Variants in POU6F2 observed in about 807,000 individuals in gnomAD.
POU6F2 encodes POU class 6 homeobox 2, also known as POU domain, class 6, transcription factor 2.
A neutral mutation model predicts 71.3 loss-of-function variants in POU6F2; 31 were observed. That is an observed-to-expected ratio of 0.43 (90% CI 0.33 to 0.59). The LOEUF (loss-of-function observed/expected upper bound fraction) is 0.59. POU6F2 is among the 20% of genes least tolerant of loss of function. The probability of loss-of-function intolerance (pLI) is 0.04; values close to 1 mark genes in which losing one functional copy is unlikely to be tolerated. For synonymous variants in POU6F2, 347 were observed against 355.7 expected (o/e 0.98, Z 0.27); for missense variants, 783 against 856.8 (o/e 0.91, Z 1.07).
At chr7:39,253,036 A>G (rs527749606) in intron 4 of POU6F2, among the ~76,000 whole-genome samples, 1 of 152,340 alleles carries the variant, frequency 6.6e-6, no homozygotes, top group East Asian at 1.9e-4. Flanking sequence ...GACACCTCTC[A>G]TAGTGGGCAT....
chr7:39,111,870 A>T (rs577217779), intron 2 of POU6F2, among the ~76,000 whole-genome samples: 11 of 152,210 alleles, frequency 7.2e-5, no homozygotes, highest in African/African-American at 2.4e-4. Context: ...TTAATGTTGG[A>T]GAAAGACTGG....
chr7:39,158,089 T>G (rs371220281), intron 2 of POU6F2, among the ~76,000 whole-genome samples: 3 of 152,216 alleles, frequency 2.0e-5, no homozygotes, highest in African/African-American at 7.2e-5. Context: ...GCGCTTTAGT[T>G]TCTTCATCTG....
At chr7:39,081,343 C>A (rs984329489) in intron 1 of POU6F2, among the ~76,000 whole-genome samples, 2 of 152,158 alleles carry the variant, frequency 1.3e-5, no homozygotes, top group Non-Finnish European at 2.9e-5. Flanking sequence ...AAGGCAAAGA[C>A]CTCCCATGGT....
At chr7:39,414,788 C>G (rs1383311688) in intron 6 of POU6F2, among the ~76,000 whole-genome samples, 1 of 151,978 alleles carries the variant, frequency 6.6e-6, no homozygotes, top group Non-Finnish European at 1.5e-5. Flanking sequence ...AAGGAAAGCC[C>G]TCTCTGAACT....
chr7:39,282,136 A>G (rs996379394), intron 4 of POU6F2, among the ~76,000 whole-genome samples: 3 of 151,936 alleles, frequency 2.0e-5, no homozygotes, highest in Admixed American at 2.0e-4. Flanking sequence ...AAATCAGAGT[A>G]TTTGTTGCTT....
chr7:39,405,025 T>C (rs1030756160), intron 5 of POU6F2: 4 of 152,204 alleles, frequency 2.6e-5, no homozygotes, highest in African/African-American at 9.6e-5. Context: ...AAAATCATTA[T>C]TGTCTTTTAG....
At chr7:39,294,577 T>G (rs1249071574) in intron 4 of POU6F2, among the ~76,000 whole-genome samples, 1 of 152,014 alleles carries the variant, frequency 6.6e-6, no homozygotes, top group Admixed American at 6.5e-5. Context: ...GATGTTTTTA[T>G]AAAACAGAGT....
intron 2 of POU6F2, among the ~76,000 whole-genome samples, chr7:39,147,515 T>C (rs1792647340): frequency 6.6e-6 from 1 of 152,242 alleles, no homozygotes; most frequent in Non-Finnish European, 1.5e-5. Context: ...GGTTTTCATT[T>C]GTAAACATTG....
At chr7:39,036,326 C>T (rs1484671359) in intron 1 of POU6F2, among the ~76,000 whole-genome samples, 3 of 151,990 alleles carry the variant, frequency 2.0e-5, no homozygotes, top group Admixed American at 1.3e-4. Context: ...AATAAGCTAC[C>T]GAAAATAGTC....
rs374285547 is a variant in POU6F2, at chr7:39,225,890, G to A, written c.598+18270G>A. Among the ~76,000 whole-genome samples, 24 of 151,784 alleles carry A rather than the reference G, an allele frequency of 1.6e-4. No homozygotes were observed. The East Asian group carries it at 2.1e-3, about 13-fold the overall frequency. ...GATTTCATGCCATAAAAACACACCC[G>A]CGTTTTTGGGGGAAAATAGAATGCT... On this transcript the variant is annotated intron_variant, in intron 4 of 9. Transcript: ENST00000518318.
intron 2 of POU6F2, among the ~76,000 whole-genome samples, chr7:39,197,108 A>G (rs1189166914): frequency 2.6e-5 from 4 of 152,204 alleles, no homozygotes; most frequent in African/African-American, 9.6e-5. Flanking sequence ...CTGAGCGTGT[A>G]GGAGGGTGGA....
rs1562671331 is a variant in POU6F2 at position 39,016,057 on chromosome 7, T to TATATATAATATATAATATATATC, written c.105+38013_105+38014insATATATATCATATATAATATATA. On this transcript the variant is annotated intron_variant, in intron 1 of 9. Coordinates refer to ENST00000518318, the MANE Select transcript of POU6F2 (RefSeq NM_001370959.1). Reference sequence around the variant, plus strand: ...GATATATATTATATATTATATATATTATATATAATATATAGATATATATTA... The same window carrying TATATATAATATATAATATATATC: ...GATATATATTATATATTATATATATTATATATAATATATAATATATATCATATATAATATATAGATATATATTA... Among the ~76,000 whole-genome samples the TATATATAATATATAATATATATC allele has an allele frequency of 6.3e-3, 240 of 37,914 alleles. 5 individuals carry two copies. Among genetic ancestry groups the TATATATAATATATAATATATATC allele is most frequent in the Middle Eastern group, 0.024 (1 of 42 alleles). The allele number at this position is 37,914 out of a possible 152,430, so 24.9% of individuals were successfully genotyped here. A position where few individuals can be genotyped will look rare whatever the true frequency, so the allele number is the denominator to read the frequency against.
intron 4 of POU6F2, among the ~76,000 whole-genome samples, chr7:39,245,318 T>C (rs963715996): frequency 2.0e-5 from 3 of 152,212 alleles, no homozygotes; most frequent in African/African-American, 7.2e-5. Context: ...TGACTAGTTC[T>C]CCTCTAGTTC....
At chr7:39,436,983 G>A (rs1164133922) in intron 7 of POU6F2, among the ~76,000 whole-genome samples, 3 of 152,196 alleles carry the variant, frequency 2.0e-5, no homozygotes, top group Admixed American at 6.5e-5. Flanking sequence ...CGACTTGATC[G>A]TGGTGGATAA....
At chr7:39,389,808 C>T (rs1162289091) in intron 5 of POU6F2, among the ~76,000 whole-genome samples, 1 of 152,108 alleles carries the variant, frequency 6.6e-6, no homozygotes, top group African/African-American at 2.4e-5. Flanking sequence ...GTATTACTCC[C>T]AAGCCAGAAT....
intron 2 of POU6F2, among the ~76,000 whole-genome samples, chr7:39,121,933 A>G (rs1792051425): frequency 6.6e-6 from 1 of 152,196 alleles, no homozygotes; most frequent in Admixed American, 6.5e-5. Flanking sequence ...TCTTGACATC[A>G]AATGATCCAC....
intron 1 of POU6F2, among the ~76,000 whole-genome samples, chr7:39,024,644 G>A (rs986237934): frequency 5.9e-5 from 9 of 152,218 alleles, no homozygotes; most frequent in South Asian, 2.1e-4. Context: ...CTGTGGGTTT[G>A]TCATAGACAG....
intron 4 of POU6F2, among the ~76,000 whole-genome samples, chr7:39,303,247 G>A (rs7797767): frequency 0.46 from 69,465 of 151,868 alleles, 16,704 homozygotes; most frequent in Admixed American, 0.59. Flanking sequence ...TCCCGGGCTC[G>A]TGCCATTCTC....
chr7:39,418,959 A>ATATG (rs1207549225), intron 6 of POU6F2, among the ~76,000 whole-genome samples: 1 of 138,112 alleles, frequency 7.2e-6, no homozygotes, highest in African/African-American at 2.8e-5. Context: ...ATATATGTAT[A>ATATG]TATATGTGTA....
Sources: gnomAD v4.1 joint callset for allele counts (sites outside exome capture counted in the v4.1 genomes callset) on GRCh38, gnomAD v4.1.1 for gene constraint, MANE v1.5 for transcripts, NCBI Gene and HGNC (gene_info 2026-07-23, HGNC 2026-07-21) for gene names.